The following PSD3 variants were observed in gnomAD, a reference collection of about 807,000 sequenced individuals.
PSD3 encodes the protein PH and SEC7 domain-containing protein 3.
Under a neutral mutation model 105.5 loss-of-function variants are expected in PSD3, and 49 were observed. The ratio of observed to expected loss-of-function variants is 0.46; its 90% confidence interval spans 0.37 to 0.59. The LOEUF (loss-of-function observed/expected upper bound fraction) is 0.59. Ranked by LOEUF, PSD3 falls within the 20% of genes least tolerant of loss-of-function variation. PSD3 has a pLI of 0.00. For synonymous variants in PSD3, 557 were observed against 457.8 expected, an observed-to-expected ratio of 1.22 and a Z score of -2.77; for missense variants, 1,561 against 1,263.8, an observed-to-expected ratio of 1.24 and a Z score of -3.57.
chr8:18,617,460 G>A (rs1805781466), intron 11 of PSD3, among the ~76,000 whole-genome samples: 1 of 152,170 alleles, frequency 6.6e-6, no homozygotes, highest in Non-Finnish European at 1.5e-5. Flanking sequence ...GAACTTGGGA[G>A]GCGCAGGTAG....
At chr8:18,983,107 T>C (rs183513265) in intron 1 of PSD3, among the ~76,000 whole-genome samples, 52 of 152,356 alleles carry the variant, frequency 3.4e-4, no homozygotes, top group Middle Eastern at 6.8e-3. Context: ...ACATGAGCAA[T>C]TGCTGCTTCA....
At chr8:18,741,892 T>C (rs901739606) in intron 9 of PSD3, among the ~76,000 whole-genome samples, 1 of 150,066 alleles carries the variant, frequency 6.7e-6, no homozygotes, top group Non-Finnish European at 1.5e-5. Flanking sequence ...GGTGGAGCCC[T>C]GACAAAAAAA....
At chr8:18,906,073 G>C (rs750805354) in intron 2 of PSD3, among the ~76,000 whole-genome samples, 1 of 152,162 alleles carries the variant, frequency 6.6e-6, no homozygotes, top group African/African-American at 2.4e-5. Flanking sequence ...AGTTGTATCT[G>C]AAAGACCGGC....
At chr8:19,036,741 T>C (rs1215617487) in intron 1 of PSD3, among the ~76,000 whole-genome samples, 2 of 152,218 alleles carry the variant, frequency 1.3e-5, no homozygotes, top group Non-Finnish European at 2.9e-5. Context: ...GAATACTATG[T>C]AATGAATTAA....
At chr8:18,556,013 C>T (rs1447468468) in intron 15 of PSD3, among the ~76,000 whole-genome samples, 196 bp downstream of exon 15, 1 of 152,188 alleles carries the variant, frequency 6.6e-6, no homozygotes, top group Non-Finnish European at 1.5e-5. Context: ...TGGCAGGTTA[C>T]TCTTTGATGT....
rs1035410466 is a variant in PSD3, at chr8:18,683,322, G to C, written c.2173-27637C>G. Among the ~76,000 whole-genome samples the C allele has an allele frequency of 2.0e-5, 3 of 152,150 alleles. No homozygotes were observed. The East Asian group carries it at 5.8e-4, about 29-fold the overall frequency. On this transcript the variant is annotated intron_variant, in intron 9 of 15. Transcript: ENST00000327040. Reference sequence around the variant, plus strand: ...AGGACCAGGTCATACTTGTACATCAGCTCCACAGACTGGGGGCTGGGGGAA... The same window carrying C: ...AGGACCAGGTCATACTTGTACATCACCTCCACAGACTGGGGGCTGGGGGAA...
chr8:18,785,873 G>A (rs956732359), intron 8 of PSD3, among the ~76,000 whole-genome samples: 2 of 152,196 alleles, frequency 1.3e-5, no homozygotes, highest in African/African-American at 4.8e-5. Flanking sequence ...CTTTGGCGCA[G>A]TCAAAACATA....
At chr8:18,571,473 A>T (rs1802135952) in intron 14 of PSD3, among the ~76,000 whole-genome samples, 1 of 152,138 alleles carries the variant, frequency 6.6e-6, no homozygotes, top group African/African-American at 2.4e-5. Context: ...AGGCCAGGCT[A>T]GATAATGTCC....
chr8:18,595,571 C>G (rs372269919), intron 12 of PSD3, among the ~76,000 whole-genome samples: 2 of 151,034 alleles, frequency 1.3e-5, no homozygotes, highest in Non-Finnish European at 1.5e-5. Context: ...CACACCTGAA[C>G]ATGAAATAAT....
intron 2 of PSD3, among the ~76,000 whole-genome samples, chr8:18,915,633 G>C (rs1427324115): frequency 6.6e-6 from 1 of 152,220 alleles, no homozygotes; most frequent in East Asian, 1.9e-4. Flanking sequence ...AATGCTGAAT[G>C]TCACTAATCA....
chr8:18,792,328 A>C (rs1586011444), intron 8 of PSD3, among the ~76,000 whole-genome samples: 1 of 152,210 alleles, frequency 6.6e-6, no homozygotes, highest in South Asian at 2.1e-4. Context: ...ATGCTCATCA[A>C]GGGCTGGATA....
At chr8:18,565,839 T>A (rs1257281560) in intron 14 of PSD3, among the ~76,000 whole-genome samples, 1 of 152,136 alleles carries the variant, frequency 6.6e-6, no homozygotes, top group African/African-American at 2.4e-5. Context: ...TATTTGGCAA[T>A]GTCTGGAGAC....
rs777137390 is a variant in PSD3 at position 18,804,620 on chromosome 8, A to T, written c.1830-18T>A. On this transcript the variant is annotated intron_variant, in intron 5 of 15. Transcript: ENST00000327040. ...ATTCGTTGCTATAAGAAAACAGAAT[A>T]GACTTGGTTATTGAAAGGTAAACTA... is the stretch of plus-strand genomic sequence containing the variant. 3.1e-6 allele frequency: 5 copies of T among 1,611,110 alleles called. No individual in the cohort carries two copies. The African/African-American group carries it at 6.7e-5, about 22-fold the overall frequency.
intron 1 of PSD3, among the ~76,000 whole-genome samples, chr8:19,045,840 C>A (rs1828299135): frequency 1.3e-5 from 2 of 152,196 alleles, no homozygotes; most frequent in Admixed American, 1.3e-4. Flanking sequence ...CTCATTAAAT[C>A]CTCACAATAA....
At chr8:18,837,750 G>T (rs766214923) in intron 4 of PSD3, among the ~76,000 whole-genome samples, 4 of 152,074 alleles carry the variant, frequency 2.6e-5, no homozygotes, top group Non-Finnish European at 5.9e-5. Flanking sequence ...ACCAGCCTGG[G>T]CAAGATGACA....
intron 4 of PSD3, among the ~76,000 whole-genome samples, chr8:18,829,410 G>T (rs563594435): frequency 6.6e-6 from 1 of 152,204 alleles, no homozygotes; most frequent in East Asian, 1.9e-4. Flanking sequence ...TTCTTCCATA[G>T]TTCCCCAGCA....
At position 18,533,252 on chromosome 8, in the gene PSD3, G is replaced by A. The variant is rs1353454540; in HGVS notation, c.*2491C>T. The A allele has an allele frequency of 6.6e-6, 1 of 152,202 alleles. No individual in the cohort carries two copies. Among genetic ancestry groups the A allele is most frequent in the Non-Finnish European group, 1.5e-5 (1 of 68,060 alleles). 9.4% of individuals were successfully genotyped at this position (152,202 alleles called of 1,614,324 possible). ...CAGACAGCAACCTTCAGAAGCCTCA[G>A]GGAAGAGGTGTTCTCAGCCCATGCG... On this transcript the variant is annotated 3_prime_UTR_variant, in exon 16 of 16. Coordinates refer to ENST00000327040, the MANE Select transcript of PSD3 (RefSeq NM_015310.4).
intron 1 of PSD3, among the ~76,000 whole-genome samples, chr8:19,058,041 T>A (rs1046943717): frequency 2.0e-5 from 3 of 152,164 alleles, no homozygotes; most frequent in African/African-American, 4.8e-5. Flanking sequence ...AACTAACATG[T>A]CTTTCAAAGG....
chr8:18,810,155 A>G (rs1419110971), intron 4 of PSD3, among the ~76,000 whole-genome samples: 5 of 152,124 alleles, frequency 3.3e-5, no homozygotes, highest in Non-Finnish European at 7.3e-5. Context: ...TACCATGCCA[A>G]ATTCTGTGAA....
Sources: allele counts gnomAD v4.1 joint callset (sites outside exome capture counted in the v4.1 genomes callset), GRCh38; gene constraint gnomAD v4.1.1; transcripts MANE v1.5; gene names NCBI Gene and HGNC (gene_info 2026-07-23, HGNC 2026-07-21).